The following MELK variants were observed in gnomAD, a reference collection of about 807,000 sequenced individuals.
The protein encoded by MELK is maternal embryonic leucine zipper kinase, also known as pEg3 kinase.
In MELK, 81 loss-of-function variants were observed where a neutral mutation model predicts 85.0. The observed-to-expected ratio is 0.95, with a 90% CI of 0.80 to 1.15. The LOEUF is 1.15. Among genes scored for constraint, MELK ranks in the 50% most tolerant of loss-of-function variants. The pLI is 0.00. For missense variants in MELK, 754 were observed against 777.5 expected (o/e 0.97, Z 0.36); for synonymous variants, 252 against 265.0 (o/e 0.95, Z 0.48).
intron 14 of MELK, among the ~76,000 whole-genome samples, chr9:36,665,786 T>C (rs996523422): frequency 6.6e-6 from 1 of 152,220 alleles, no homozygotes; most frequent in Non-Finnish European, 1.5e-5. Flanking sequence ...AAGTTTTTCC[T>C]CTTTTTCACG....
At position 36,643,063 on chromosome 9, in the gene MELK, A is replaced by G; in HGVS notation, c.901A>G (p.Met301Val). The change falls in exon 11 of 18, where the codon ATG (methionine) becomes GTG (valine). Residue 301 changes from methionine to valine, a missense_variant. Physicochemically the swap from Met to Val is conservative, Grantham distance 21 (BLOSUM62 1). Coordinates refer to ENST00000298048, the MANE Select transcript of MELK (RefSeq NM_014791.4). ...SVHHRNNRQT[M>V]EDLISLWQYD... Reference sequence around the variant, plus strand: ...ACATCACAGAAACAACAGGCAAACAATGGAGGATTTAATTTCACTGGTAAG... The same window carrying G: ...ACATCACAGAAACAACAGGCAAACAGTGGAGGATTTAATTTCACTGGTAAG... The G allele has an allele frequency of 6.2e-7, 1 of 1,612,760 alleles. No individual in the cohort carries two copies. Among genetic ancestry groups the G allele is most frequent in the South Asian group, 1.1e-5 (1 of 90,802 alleles).
chr9:36,623,673 A>G (rs889616305), intron 8 of MELK, among the ~76,000 whole-genome samples: 6 of 152,256 alleles, frequency 3.9e-5, no homozygotes, highest in African/African-American at 9.6e-5. Flanking sequence ...GGGAAGGCCT[A>G]TGACATTCCT....
At chr9:36,641,109 A>G (rs1829713276) in intron 10 of MELK, among the ~76,000 whole-genome samples, 1 of 152,228 alleles carries the variant, frequency 6.6e-6, no homozygotes, top group African/African-American at 2.4e-5. Flanking sequence ...GGAGTTAATC[A>G]TTAAAGTGGA....
rs59243507 is a variant in MELK, at chr9:36,601,828, C to T, written c.567+2342C>T. ...GTAAATGGAATCATACAATATTTGT[C>T]TTTTTGTGACTGGTTATTTCACTTA... On this transcript the variant is annotated intron_variant, in intron 7 of 17. Coordinates refer to ENST00000298048, the MANE Select transcript of MELK (RefSeq NM_014791.4). 8.6e-3 allele frequency among the ~76,000 whole-genome samples: 1,309 copies of T among 152,246 alleles called. 26 individuals are homozygous for T. The highest frequency in any genetic ancestry group is 0.029 in the African/African-American group (1,216 of 41,534).
At chr9:36,627,384 A>G (rs1287157008) in intron 8 of MELK, among the ~76,000 whole-genome samples, 3 of 152,218 alleles carry the variant, frequency 2.0e-5, no homozygotes, top group African/African-American at 7.2e-5. Context: ...CTCTGATGAG[A>G]GTAGATGGAC....
At chr9:36,651,207 C>G (rs995825996) in intron 11 of MELK, among the ~76,000 whole-genome samples, 5 of 152,150 alleles carry the variant, frequency 3.3e-5, no homozygotes, top group African/African-American at 9.7e-5. Flanking sequence ...GCAGGCGTCT[C>G]CCAGGACCCT....
At chr9:36,616,761 T>A (rs1385364829) in intron 8 of MELK, among the ~76,000 whole-genome samples, 1 of 152,046 alleles carries the variant, frequency 6.6e-6, no homozygotes, top group Non-Finnish European at 1.5e-5. Context: ...TTTCAGACAT[T>A]AGCCTGCATA....
At chr9:36,638,208 TA>T (rs1829396961) in intron 10 of MELK, among the ~76,000 whole-genome samples, 1 of 152,218 alleles carries the variant, frequency 6.6e-6, no homozygotes, top group African/African-American at 2.4e-5. Flanking sequence ...AGTTTTTTTT[TA>T]TTTGGGACAC....
chr9:36,665,121 C>T (rs1321363460), intron 13 of MELK, among the ~76,000 whole-genome samples: 2 of 152,108 alleles, frequency 1.3e-5, no homozygotes, highest in Non-Finnish European at 2.9e-5. Context: ...TATGTGTATA[C>T]ACTCAGCCTG....
chr9:36,647,792 A>G (rs907287138), intron 11 of MELK, among the ~76,000 whole-genome samples: 3 of 152,100 alleles, frequency 2.0e-5, no homozygotes, highest in African/African-American at 7.2e-5. Flanking sequence ...GTGCCCGGCC[A>G]TGAAGCCTTA....
chr9:36,615,423 A>G lies in MELK; in HGVS notation c.666+7750A>G, dbSNP rs1347061303. Among the ~76,000 whole-genome samples the G allele has an allele frequency of 8.2e-5, 7 of 85,828 alleles. No individual in the cohort carries two copies. In the East Asian group the frequency reaches 1.8e-3, roughly 22 times the overall value. The allele number at this position is 85,828 out of a possible 152,430, so 56.3% of individuals were successfully genotyped here. On this transcript the variant is annotated intron_variant, in intron 8 of 17. Coordinates refer to ENST00000298048, the MANE Select transcript of MELK (RefSeq NM_014791.4). Reference sequence around the variant, plus strand: ...CCCCCCCACCTCCCTCCCGGACGGCACGGCTGGCCAGGCGGGGGGCTGACC... The same window carrying G: ...CCCCCCCACCTCCCTCCCGGACGGCGCGGCTGGCCAGGCGGGGGGCTGACC...
rs1014196668 is a variant in MELK, at chr9:36,582,018, A to G, written c.58+279A>G. On this transcript the variant is annotated intron_variant, in intron 2 of 17. Coordinates refer to ENST00000298048, the MANE Select transcript of MELK (RefSeq NM_014791.4). ...AGTCTCACTCTGTCGCCCAGGCTGG[A>G]TGGAGTGCAGTGGCGCGATCTTGGC... is the stretch of plus-strand genomic sequence containing the variant. 6.2e-5 allele frequency among the ~76,000 whole-genome samples: 9 copies of G among 145,300 alleles called. 1 individual carries two copies. The highest frequency in any genetic ancestry group is 5.5e-4 in the Admixed American group (8 of 14,448).
intron 16 of MELK, among the ~76,000 whole-genome samples, chr9:36,672,423 C>T (rs575046963): frequency 6.6e-6 from 1 of 152,212 alleles, no homozygotes; most frequent in African/African-American, 2.4e-5. Context: ...AGAAGCTAAG[C>T]AGTTACCAAA....
chr9:36,665,144 A>G (rs1240723850), intron 13 of MELK, among the ~76,000 whole-genome samples: 3 of 152,162 alleles, frequency 2.0e-5, no homozygotes, highest in Non-Finnish European at 4.4e-5. Flanking sequence ...TCATGTTGAA[A>G]ATTACTGTCA....
intron 10 of MELK, among the ~76,000 whole-genome samples, chr9:36,633,771 G>A (rs891515074): frequency 6.6e-6 from 1 of 152,110 alleles, no homozygotes; most frequent in African/African-American, 2.4e-5. Context: ...TTTAAAGTCT[G>A]GCTTAATAGA....
intron 14 of MELK, among the ~76,000 whole-genome samples, chr9:36,666,644 A>G (rs1244280099): frequency 6.6e-6 from 1 of 152,152 alleles, no homozygotes; most frequent in East Asian, 1.9e-4. Context: ...GGGAAACCAC[A>G]TCCTGCCATT....
At chr9:36,621,284 A>G (rs1164957596) in intron 8 of MELK, among the ~76,000 whole-genome samples, 1 of 78,146 alleles carries the variant, frequency 1.3e-5, no homozygotes, top group African/African-American at 7.3e-5. Context: ...GGAAAAAAAA[A>G]AAAAAAAAAA....
At chr9:36,577,781 A>G (rs1473122376) in intron 1 of MELK, among the ~76,000 whole-genome samples, 1 of 151,566 alleles carries the variant, frequency 6.6e-6, no homozygotes, top group African/African-American at 2.4e-5. Context: ...CCTCCCTAGT[A>G]GCTGGGATTA....
intron 6 of MELK, among the ~76,000 whole-genome samples, chr9:36,598,560 T>C (rs960011485): frequency 2.6e-5 from 4 of 152,158 alleles, no homozygotes; most frequent in African/African-American, 9.7e-5. Context: ...AGCAGATTAC[T>C]CATTTTAACA....
Sources: allele counts gnomAD v4.1 joint callset (sites outside exome capture counted in the v4.1 genomes callset), GRCh38; gene constraint gnomAD v4.1.1; transcripts MANE v1.5; gene names NCBI Gene and HGNC (gene_info 2026-07-23, HGNC 2026-07-21).